Variants in SPAG17 observed in about 807,000 individuals in gnomAD.
SPAG17 encodes sperm-associated antigen 17.
In SPAG17, 169 loss-of-function variants were observed where a neutral mutation model predicts 273.6. That is an observed-to-expected ratio of 0.62 (90% CI 0.55 to 0.70). The LOEUF (loss-of-function observed/expected upper bound fraction) is 0.70. SPAG17 is among the 30% of genes least tolerant of loss of function. SPAG17 has a pLI of 0.00. For missense variants in SPAG17, 2,557 were observed against 2,627.8 expected (o/e 0.97, Z 0.59); for synonymous variants, 825 against 873.2 (o/e 0.94, Z 0.97).
chr1:118,055,260 T>C (rs904924354), intron 19 of SPAG17, among the ~76,000 whole-genome samples: 4 of 152,112 alleles, frequency 2.6e-5, no homozygotes, highest in Non-Finnish European at 4.4e-5. Context: ...CTTTCCCCAT[T>C]ATCTTTAGAT....
intron 1 of SPAG17, among the ~76,000 whole-genome samples, chr1:118,154,657 C>A (rs780688663): frequency 6.6e-6 from 1 of 151,704 alleles, no homozygotes; most frequent in African/African-American, 2.4e-5. Flanking sequence ...AAAATACAAT[C>A]AAAAACACCC....
intron 3 of SPAG17, among the ~76,000 whole-genome samples, chr1:118,143,223 A>T (rs1231110934): frequency 6.6e-6 from 1 of 152,246 alleles, no homozygotes; most frequent in Admixed American, 6.5e-5. Flanking sequence ...CTTAATTCTA[A>T]GTAACTAGCA....
chr1:118,037,899 T>C (rs1245754627), intron 23 of SPAG17, among the ~76,000 whole-genome samples: 1 of 152,204 alleles, frequency 6.6e-6, no homozygotes, highest in African/African-American at 2.4e-5. Context: ...GGGGCAATAT[T>C]GATTTAAAAT....
At position 117,953,841 on chromosome 1, in the gene SPAG17, A is replaced by C. The variant is rs1651771530; in HGVS notation, c.*209T>G. The C allele has an allele frequency of 1.5e-6, 1 of 645,656 alleles. No homozygotes were observed. The highest frequency in any genetic ancestry group is 2.6e-6 in the Non-Finnish European group (1 of 382,152). The allele number at this position is 645,656 out of a possible 1,614,324, so 40.0% of individuals were successfully genotyped here. On this transcript the variant is annotated 3_prime_UTR_variant, in exon 49 of 49. Coordinates refer to ENST00000336338, the MANE Select transcript of SPAG17 (RefSeq NM_206996.4). Reference sequence around the variant, plus strand: ...CTTCCCTGTACATTAAAAAATAAGAAAACCAAAAATGTCTTTAAATGCTTT... The same window carrying C: ...CTTCCCTGTACATTAAAAAATAAGACAACCAAAAATGTCTTTAAATGCTTT...
At chr1:118,004,321 T>C (rs1010733205) in intron 32 of SPAG17, among the ~76,000 whole-genome samples, 4 of 152,176 alleles carry the variant, frequency 2.6e-5, no homozygotes, top group African/African-American at 7.2e-5. Context: ...TCAAACGCCA[T>C]GTTGGGAGAA....
rs141215221 is a variant in SPAG17, at chr1:118,142,922, C to G, written c.315+7621G>C. 2.2e-3 allele frequency among the ~76,000 whole-genome samples: 334 copies of G among 152,334 alleles called. 3 individuals are homozygous for G. Among genetic ancestry groups the G allele is most frequent in the African/African-American group, 7.6e-3 (317 of 41,572 alleles). On this transcript the variant is annotated intron_variant, in intron 3 of 48. Transcript: ENST00000336338. ...TTAGTGAGATTTTAGAAAGGTCTCT[C>G]CACACTTTGATCTCTGCTGAATATG...
At chr1:118,121,487 G>A (rs757096213) in intron 3 of SPAG17, among the ~76,000 whole-genome samples, 6 of 152,076 alleles carry the variant, frequency 3.9e-5, no homozygotes, top group African/African-American at 7.2e-5. Context: ...ATTACTGCCC[G>A]AGCTCTGCCT....
At chr1:118,021,857 C>A (rs1209027625) in intron 28 of SPAG17, among the ~76,000 whole-genome samples, 3 of 152,078 alleles carry the variant, frequency 2.0e-5, no homozygotes, top group African/African-American at 7.2e-5. Context: ...TCCTCTGTAT[C>A]AACAAAAGAG....
intron 21 of SPAG17, 52 bp from the exon 22 acceptor site, chr1:118,040,893 T>C (rs1424409706): frequency 3.2e-6 from 4 of 1,240,608 alleles, no homozygotes; most frequent in Middle Eastern, 1.9e-4. Flanking sequence ...AGACAAAAAA[T>C]CAACTTATCA....
chr1:118,139,119 G>GA lies in SPAG17; in HGVS notation c.315+11423dup, dbSNP rs1047937438. Among the ~76,000 whole-genome samples, 11 of 151,612 alleles carry GA rather than the reference G, an allele frequency of 7.3e-5. No homozygotes were observed. The East Asian group carries it at 2.1e-3, about 29-fold the overall frequency. ...AAAAAGTCAATTAAAAAATGGACAA[G>GA]AAAAAAAATTTAAAAAAAATGGGCA... On this transcript the variant is annotated intron_variant, in intron 3 of 48. Transcript: ENST00000336338.
intron 48 of SPAG17, among the ~76,000 whole-genome samples, chr1:117,958,385 G>C (rs113219286): frequency 7.2e-5 from 11 of 152,200 alleles, no homozygotes; most frequent in African/African-American, 2.6e-4. Flanking sequence ...ATTGAATTAG[G>C]GTTGCTGGTT....
intron 4 of SPAG17, among the ~76,000 whole-genome samples, chr1:118,103,184 A>G (rs573507003): frequency 2.0e-5 from 3 of 152,310 alleles, no homozygotes; most frequent in East Asian, 3.9e-4. Context: ...CCTGGAGTGG[A>G]AGTGGAGGTC....
chr1:118,040,073 C>T (rs542814010), intron 22 of SPAG17, among the ~76,000 whole-genome samples: 5 of 152,232 alleles, frequency 3.3e-5, no homozygotes, highest in African/African-American at 1.2e-4. Flanking sequence ...GTTATAGTAG[C>T]TATTATTATT....
intron 30 of SPAG17, 150 bp from the exon 31 acceptor site, chr1:118,008,348 C>A (rs1659127457): frequency 2.5e-6 from 2 of 812,558 alleles, no homozygotes; most frequent in Non-Finnish European, 3.8e-6. Flanking sequence ...ACTGAGAACT[C>A]CACAGGGTTG....
At chr1:118,136,328 T>C (rs1227013034) in intron 3 of SPAG17, among the ~76,000 whole-genome samples, 1 of 152,126 alleles carries the variant, frequency 6.6e-6, no homozygotes. Flanking sequence ...TCCAGTGACT[T>C]GCATCATTAC....
At chr1:118,142,779 A>C (rs1402929589) in intron 3 of SPAG17, among the ~76,000 whole-genome samples, 2 of 152,184 alleles carry the variant, frequency 1.3e-5, no homozygotes, top group Non-Finnish European at 2.9e-5. Flanking sequence ...CAAGCAGTGG[A>C]ACCAGGACAT....
At chr1:117,991,800 G>T (rs757539930) in intron 36 of SPAG17, among the ~76,000 whole-genome samples, 69 of 152,200 alleles carry the variant, frequency 4.5e-4, no homozygotes, top group Non-Finnish European at 9.6e-4. Flanking sequence ...GTGCACTTAA[G>T]TGTCCTCATC....
At chr1:118,117,736 G>T (rs1000600214) in intron 3 of SPAG17, among the ~76,000 whole-genome samples, 1 of 152,188 alleles carries the variant, frequency 6.6e-6, no homozygotes, top group Non-Finnish European at 1.5e-5. Flanking sequence ...GACTTGATGC[G>T]CCACATCCTG....
At chr1:118,087,911 T>C (rs1446235071) in intron 10 of SPAG17, among the ~76,000 whole-genome samples, 5 of 152,230 alleles carry the variant, frequency 3.3e-5, no homozygotes, top group Non-Finnish European at 7.3e-5. Context: ...ACCCATTTTA[T>C]GCAAGTAGCA....
Sources: allele counts gnomAD v4.1 joint callset (sites outside exome capture counted in the v4.1 genomes callset), GRCh38; gene constraint gnomAD v4.1.1; transcripts MANE v1.5; gene names NCBI Gene and HGNC (gene_info 2026-07-23, HGNC 2026-07-21).